The following THSD7A variants were observed in gnomAD, a reference collection of about 807,000 sequenced individuals.
The protein encoded by THSD7A is thrombospondin type-1 domain-containing protein 7A.
A neutral mutation model predicts 231.3 loss-of-function variants in THSD7A; 96 were observed. The observed-to-expected ratio is 0.41, with a 90% confidence interval of 0.35 to 0.49. The LOEUF is 0.49. Ranked by LOEUF, THSD7A falls within the 20% of genes least tolerant of loss-of-function variation. THSD7A has a pLI of 0.05. For missense variants in THSD7A, 2,290 were observed against 2,070.2 expected (o/e 1.11, Z -2.06); for synonymous variants, 940 against 743.3 (o/e 1.26, Z -4.30).
At chr7:11,533,358 A>G (rs770781860) in intron 6 of THSD7A, among the ~76,000 whole-genome samples, 1 of 152,162 alleles carries the variant, frequency 6.6e-6, no homozygotes, top group Non-Finnish European at 1.5e-5. Context: ...AAAACAGTGG[A>G]CTAGGAAACG....
chr7:11,396,393 TAAGA>T (rs1311485860), intron 23 of THSD7A, among the ~76,000 whole-genome samples: 2 of 151,880 alleles, frequency 1.3e-5, no homozygotes, highest in Admixed American at 6.6e-5. Context: ...CTAGCCAGAC[TAAGA>T]AAGAAGAAAA....
intron 1 of THSD7A, among the ~76,000 whole-genome samples, chr7:11,677,149 T>G (rs1783672252): frequency 6.6e-6 from 1 of 152,122 alleles, no homozygotes; most frequent in Non-Finnish European, 1.5e-5. Context: ...AACTCAGAAT[T>G]TTATATCCAG....
intron 6 of THSD7A, among the ~76,000 whole-genome samples, chr7:11,486,929 A>G (rs1213994707): frequency 6.6e-6 from 1 of 152,148 alleles, no homozygotes; most frequent in African/African-American, 2.4e-5. Context: ...TACTATTTAA[A>G]CTTATTTGGA....
At chr7:11,669,435 C>A (rs978938819) in intron 1 of THSD7A, among the ~76,000 whole-genome samples, 1 of 151,814 alleles carries the variant, frequency 6.6e-6, no homozygotes, top group African/African-American at 2.4e-5. Context: ...AATTCACCAA[C>A]TGATGGGTGT....
intron 1 of THSD7A, among the ~76,000 whole-genome samples, chr7:11,689,521 A>G (rs1430422419): frequency 6.6e-6 from 1 of 151,746 alleles, no homozygotes; most frequent in Admixed American, 6.6e-5. Context: ...TCAATTGAAA[A>G]GAAGCCCACG....
intron 1 of THSD7A, among the ~76,000 whole-genome samples, chr7:11,811,512 C>T (rs1313865870): frequency 1.3e-5 from 2 of 152,054 alleles, no homozygotes; most frequent in East Asian, 3.9e-4. Flanking sequence ...CTGTATAAAT[C>T]CCTGAATACT....
rs1379305024 is a variant in THSD7A at position 11,814,918 on chromosome 7, C to A, written c.190+16839G>T. Among the ~76,000 whole-genome samples, 2 of 151,898 alleles carry A rather than the reference C, an allele frequency of 1.3e-5. No homozygotes were observed. Among genetic ancestry groups the A allele is most frequent in the Non-Finnish European group, 2.9e-5 (2 of 67,988 alleles). Reference sequence around the variant, plus strand: ...TGTGCCAGCTCATGAGCAGCAGATGCCTTAATCCTGATTACTCCTCTCTCC... The same window carrying A: ...TGTGCCAGCTCATGAGCAGCAGATGACTTAATCCTGATTACTCCTCTCTCC... On this transcript the variant is annotated intron_variant, in intron 1 of 27. Transcript: ENST00000423059. This position sits in a 1 kb window ranked among gnomAD's most constrained non-coding sequence, Gnocchi z 5.1.
chr7:11,420,505 G>A (rs532461633), intron 16 of THSD7A, among the ~76,000 whole-genome samples: 77 of 152,342 alleles, frequency 5.1e-4, no homozygotes, highest in African/African-American at 1.7e-3. Flanking sequence ...GCCTCCACCC[G>A]GATTTCAGAG....
intron 16 of THSD7A, among the ~76,000 whole-genome samples, chr7:11,419,105 G>A (rs747677638): frequency 1.3e-5 from 2 of 152,126 alleles, no homozygotes; most frequent in Admixed American, 1.3e-4. Flanking sequence ...CTATATGCAA[G>A]GATTAACTTG....
chr7:11,654,058 C>T (rs898089771), intron 1 of THSD7A, among the ~76,000 whole-genome samples: 8 of 151,768 alleles, frequency 5.3e-5, no homozygotes, highest in Non-Finnish European at 7.4e-5. Flanking sequence ...TGTAGGAACT[C>T]AAAGTTGAGA....
At chr7:11,698,972 ATTTTTT>A (rs58228910) in intron 1 of THSD7A, among the ~76,000 whole-genome samples, 2 of 142,726 alleles carry the variant, frequency 1.4e-5, no homozygotes, top group African/African-American at 5.2e-5. Flanking sequence ...AATGTCACTG[ATTTTTT>A]TTTTTTTTTT....
chr7:11,689,170 A>T (rs1048332761), intron 1 of THSD7A, among the ~76,000 whole-genome samples: 3 of 151,844 alleles, frequency 2.0e-5, no homozygotes, highest in Admixed American at 1.3e-4. Flanking sequence ...TGAGCCACGG[A>T]ATTCTTTATT....
chr7:11,482,857 C>T (rs548923292), intron 6 of THSD7A, among the ~76,000 whole-genome samples: 1 of 152,116 alleles, frequency 6.6e-6, no homozygotes, highest in Non-Finnish European at 1.5e-5. Flanking sequence ...ATATAAAAGG[C>T]CAATGAGAAA....
At chr7:11,473,779 T>A (rs1786034838) in intron 8 of THSD7A, among the ~76,000 whole-genome samples, 1 of 152,130 alleles carries the variant, frequency 6.6e-6, no homozygotes. Context: ...ATAGTTTTTC[T>A]ACTTATAATA....
chr7:11,596,770 G>A (rs889528344), intron 2 of THSD7A, among the ~76,000 whole-genome samples: 1 of 152,182 alleles, frequency 6.6e-6, no homozygotes, highest in Non-Finnish European at 1.5e-5. Context: ...GATTAATCAA[G>A]TGGCAACTCC....
chr7:11,518,773 A>T (rs1583893304), intron 6 of THSD7A, among the ~76,000 whole-genome samples: 1 of 152,240 alleles, frequency 6.6e-6, no homozygotes, highest in South Asian at 2.1e-4. Flanking sequence ...ATGTACAATC[A>T]AGTCCACTGG....
At chr7:11,437,739 T>C (rs544170529) in intron 13 of THSD7A, among the ~76,000 whole-genome samples, 64 of 152,184 alleles carry the variant, frequency 4.2e-4, no homozygotes, top group South Asian at 1.2e-3. Flanking sequence ...GTATCCACTA[T>C]GATAAGGAAC....
At chr7:11,767,334 T>C (rs551366247) in intron 1 of THSD7A, among the ~76,000 whole-genome samples, 4 of 152,302 alleles carry the variant, frequency 2.6e-5, no homozygotes, top group Admixed American at 1.3e-4. Context: ...CTCTAACCAC[T>C]GTGTGTGCAA....
rs1230353712 is a variant in THSD7A at position 11,634,069 on chromosome 7, A to C, written c.1022+2061T>G. 6.6e-6 allele frequency among the ~76,000 whole-genome samples: 1 copy of C among 152,142 alleles called. No individual in the cohort carries two copies. The highest frequency in any genetic ancestry group is 2.1e-4 in the South Asian group (1 of 4,832). On this transcript the variant is annotated intron_variant, in intron 2 of 27. Coordinates refer to ENST00000423059, the MANE Select transcript of THSD7A (RefSeq NM_015204.3). This position sits in a 1 kb window ranked among gnomAD's most constrained non-coding sequence, Gnocchi z 4.1. ...ATATCTGAGCAAAACGTAGGTCAAAATATCTGATTTTTATCTCTTCTTCTC... is the reference window on the plus strand; with the variant it reads ...ATATCTGAGCAAAACGTAGGTCAAACTATCTGATTTTTATCTCTTCTTCTC...
Sources: gnomAD v4.1 joint callset for allele counts (sites outside exome capture counted in the v4.1 genomes callset) on GRCh38, gnomAD v4.1.1 for gene constraint, Gnocchi (gnomAD v3.1) non-coding constraint, MANE v1.5 for transcripts, NCBI Gene and HGNC (gene_info 2026-07-23, HGNC 2026-07-21) for gene names.